PRDM16: variants seen among roughly 807,000 people sequenced by gnomAD.
PRDM16 encodes the protein PR/SET domain 16.
Under a neutral mutation model 110.6 loss-of-function variants are expected in PRDM16, and 23 were observed. The observed-to-expected ratio is 0.21, with a 90% CI of 0.15 to 0.29. The LOEUF is 0.29. Ranked by LOEUF, PRDM16 falls within the 10% of genes least tolerant of loss-of-function variation. The pLI, the probability that PRDM16 is intolerant of heterozygous loss-of-function variation, is 1.00. For missense variants in PRDM16, 1,615 were observed against 1,794.3 expected (o/e 0.90, Z 1.81); for synonymous variants, 799 against 781.8 (o/e 1.02, Z -0.37).
intron 1 of PRDM16, among the ~76,000 whole-genome samples, chr1:3,108,193 C>T (rs755854912): frequency 2.0e-5 from 3 of 152,238 alleles, no homozygotes; most frequent in African/African-American, 7.2e-5. Flanking sequence ...TGCCGTTTGT[C>T]CTTAGAGCTT....
At chr1:3,174,204 A>G (rs36020329) in intron 1 of PRDM16, among the ~76,000 whole-genome samples, 7,970 of 152,096 alleles carry the variant, frequency 0.052, 229 homozygotes, top group Admixed American at 0.072. Context: ...TGCCTCTGTC[A>G]TCATATGGGT....
At chr1:3,197,720 G>A (rs185416514) in intron 2 of PRDM16, among the ~76,000 whole-genome samples, 6 of 152,336 alleles carry the variant, frequency 3.9e-5, no homozygotes, top group African/African-American at 9.6e-5. Context: ...GAGGGTGGGC[G>A]GCTGTGGCCT....
rs753567733 is a variant in PRDM16, at chr1:3,206,926, G to C, written c.387+20452G>C. 6.6e-6 allele frequency: 1 copy of C among 152,480 alleles called. No homozygotes were observed. The highest frequency in any genetic ancestry group is 1.5e-5 in the Non-Finnish European group (1 of 68,232). The allele number at this position is 152,480 out of a possible 1,614,324, so 9.4% of individuals were successfully genotyped here. ...GGGCGGTCGGCCCAGGAAGCAGGGC[G>C]GGCAGACGGCGACCCAGGGGACCTG... On this transcript the variant is annotated intron_variant, in intron 2 of 16. Transcript: ENST00000270722. This position sits in a 1 kb window ranked among gnomAD's most constrained non-coding sequence, Gnocchi z 4.9.
chr1:3,337,572 G>C (rs1339766931), intron 3 of PRDM16, among the ~76,000 whole-genome samples: 1 of 152,176 alleles, frequency 6.6e-6, no homozygotes, highest in Non-Finnish European at 1.5e-5. Flanking sequence ...CTTGGGGTGG[G>C]AGCTGGGGGA....
intron 3 of PRDM16, among the ~76,000 whole-genome samples, chr1:3,368,028 A>G (rs1384278543): frequency 6.6e-6 from 1 of 152,188 alleles, no homozygotes; most frequent in Non-Finnish European, 1.5e-5. Context: ...GGGTTTGGGG[A>G]ACATTCTGTA....
At chr1:3,136,849 G>A (rs926602442) in intron 1 of PRDM16, among the ~76,000 whole-genome samples, 3 of 152,182 alleles carry the variant, frequency 2.0e-5, no homozygotes, top group African/African-American at 4.8e-5. Flanking sequence ...TTGGGGGTCC[G>A]GGATGCTGGG....
Position 3,175,086 on chromosome 1 carries a change from A to G in PRDM16, c.38-11039A>G, listed in dbSNP as rs551298331. ...GGCTCCTCCTAGCACCATTTCCTGG[A>G]GTTACGACAGCTTTGTTCTTGTCTC... On this transcript the variant is annotated intron_variant, in intron 1 of 16. Transcript: ENST00000270722. The surrounding 1 kb of genome is among the most constrained non-coding windows in gnomAD (Gnocchi z 4.8). Among the ~76,000 whole-genome samples the G allele has an allele frequency of 6.6e-6, 1 of 152,208 alleles. No homozygotes were observed. The highest frequency in any genetic ancestry group is 1.5e-5 in the Non-Finnish European group (1 of 68,018).
rs1385045495 is a variant in PRDM16, at chr1:3,165,843, ACTCACCAG to A, written c.38-20281_38-20274del. On this transcript the variant is annotated intron_variant, in intron 1 of 16. Coordinates refer to ENST00000270722, the MANE Select transcript of PRDM16 (RefSeq NM_022114.4). ...GACTCACCTGGGCTCAGGGACAGGG[ACTCACCAG>A]GGCTCAGGGACAGGGACTCACCAGG... Among the ~76,000 whole-genome samples the A allele has an allele frequency of 6.5e-5, 6 of 92,424 alleles. 3 individuals carry two copies. Among genetic ancestry groups the A allele is most frequent in the African/African-American group, 4.3e-4 (6 of 13,960 alleles). The allele number at this position is 92,424 out of a possible 152,430, so 60.6% of individuals were successfully genotyped here. A position where few individuals can be genotyped will look rare whatever the true frequency, so the allele number is the denominator to read the frequency against.
intron 1 of PRDM16, among the ~76,000 whole-genome samples, chr1:3,127,034 G>C (rs1219876116): frequency 1.3e-5 from 2 of 152,256 alleles, no homozygotes; most frequent in Admixed American, 6.5e-5. Context: ...GCTCAGCCCA[G>C]CCTGGGCCCC....
intron 2 of PRDM16, among the ~76,000 whole-genome samples, chr1:3,215,738 C>T (rs924472566): frequency 1.6e-4 from 25 of 152,302 alleles, no homozygotes; most frequent in African/African-American, 6.0e-4. Context: ...CTGCCCTCCT[C>T]CTCGGGTGCC....
At chr1:3,300,892 A>C (rs747834530) in intron 3 of PRDM16, among the ~76,000 whole-genome samples, 1 of 152,158 alleles carries the variant, frequency 6.6e-6, no homozygotes. Context: ...AAGACTTGCT[A>C]TCACCCTCGC....
intron 3 of PRDM16, among the ~76,000 whole-genome samples, chr1:3,374,643 G>C (rs2368593): frequency 3.3e-5 from 5 of 151,974 alleles, no homozygotes; most frequent in East Asian, 1.9e-4. Flanking sequence ...CCTCCGGAAG[G>C]GGGAGGGGGA....
At chr1:3,380,234 G>C (rs546388795) in intron 3 of PRDM16, among the ~76,000 whole-genome samples, 2 of 151,852 alleles carry the variant, frequency 1.3e-5, no homozygotes, top group Non-Finnish European at 2.9e-5. Context: ...CCTGGAGGAA[G>C]GGTTAGCGCC....
At chr1:3,096,754 A>C (rs1424535978) in intron 1 of PRDM16, among the ~76,000 whole-genome samples, 1 of 152,106 alleles carries the variant, frequency 6.6e-6, no homozygotes, top group East Asian at 1.9e-4. Context: ...TCTCCCTACG[A>C]GAGCCGAGCA....
At chr1:3,292,136 C>A (rs1375570825) in intron 3 of PRDM16, among the ~76,000 whole-genome samples, 3 of 152,266 alleles carry the variant, frequency 2.0e-5, no homozygotes, top group African/African-American at 7.2e-5. Context: ...CTCAAGGTTG[C>A]ACTGACAACC....
At chr1:3,269,431 A>G (rs1640376768) in intron 3 of PRDM16, among the ~76,000 whole-genome samples, 3 of 148,500 alleles carry the variant, frequency 2.0e-5, no homozygotes, top group Admixed American at 2.0e-4. Flanking sequence ...GTCCCAGAGG[A>G]GCACAGTCCC....
chr1:3,114,189 ACACG>A (rs1443091643), intron 1 of PRDM16, among the ~76,000 whole-genome samples: 2 of 86,482 alleles, frequency 2.3e-5, no homozygotes, highest in African/African-American at 9.1e-5. Context: ...ACACACGCAC[ACACG>A]CACACGCACG....
chr1:3,373,696 G>A (rs1274879877), intron 3 of PRDM16, among the ~76,000 whole-genome samples: 1 of 152,188 alleles, frequency 6.6e-6, no homozygotes, highest in Non-Finnish European at 1.5e-5. Flanking sequence ...CGGGGCTGGG[G>A]CATCAGTTCT....
intron 3 of PRDM16, among the ~76,000 whole-genome samples, chr1:3,278,116 C>G (rs1221027609): frequency 6.6e-6 from 1 of 152,198 alleles, no homozygotes; most frequent in Non-Finnish European, 1.5e-5. Flanking sequence ...ATTCTCATGG[C>G]CATTTCCCCA....
Sources: allele counts gnomAD v4.1 joint callset (sites outside exome capture counted in the v4.1 genomes callset), GRCh38; gene constraint gnomAD v4.1.1; non-coding constraint Gnocchi (gnomAD v3.1); transcripts MANE v1.5; gene names NCBI Gene and HGNC (gene_info 2026-07-23, HGNC 2026-07-21).